RELB: variants seen among roughly 807,000 people sequenced by gnomAD.
RELB encodes transcription factor RelB.
RELB carries 14 observed loss-of-function variants against 55.4 expected under a neutral mutation model. The ratio of observed to expected loss-of-function variants is 0.25; its 90% confidence interval spans 0.17 to 0.40. The LOEUF is 0.40. Ranked by LOEUF, RELB falls within the 10% of genes least tolerant of loss-of-function variation. The pLI, the probability that RELB is intolerant of heterozygous loss-of-function variation, is 1.00. For missense variants in RELB, 669 were observed against 830.7 expected, an observed-to-expected ratio of 0.81 and a Z score of 2.39; for synonymous variants, 409 against 371.3, an observed-to-expected ratio of 1.10 and a Z score of -1.17.
chr19:45,011,870 G>A, intron 3 of RELB, 66 bp from the exon 4 acceptor site: 1 of 910,058 alleles, frequency 1.1e-6, no homozygotes. Flanking sequence ...GGGTAATCAA[G>A]CCTTTTTTTT....
intron 8 of RELB, among the ~76,000 whole-genome samples, chr19:45,029,224 C>G (rs1483029043): frequency 6.6e-6 from 1 of 152,126 alleles, no homozygotes; most frequent in African/African-American, 2.4e-5. Flanking sequence ...CTGTGGTGAC[C>G]CATGCTGCAA....
At chr19:45,020,888 C>G (rs1971477396) in intron 4 of RELB, among the ~76,000 whole-genome samples, 1 of 152,108 alleles carries the variant, frequency 6.6e-6, no homozygotes, top group Non-Finnish European at 1.5e-5. Flanking sequence ...TTCCATGACA[C>G]TGAAATTTTC....
chr19:45,026,449 G>A (rs4803792), intron 7 of RELB, among the ~76,000 whole-genome samples: 59,575 of 151,100 alleles, frequency 0.39, 12,060 homozygotes, highest in South Asian at 0.58. Flanking sequence ...GGTGGCACAC[G>A]TCTGTAATCC....
chr19:45,028,777 C>A, intron 7 of RELB, 111 bp from the exon 8 acceptor site: 2 of 768,010 alleles, frequency 2.6e-6, no homozygotes, highest in East Asian at 5.4e-5. Context: ...TTTTCAATTC[C>A]CTACGTCTCC....
chr19:45,002,852 A>C, intron 1 of RELB, 97 bp from the exon 2 acceptor site: 1 of 990,332 alleles, frequency 1.0e-6, no homozygotes, highest in Non-Finnish European at 1.5e-6. Flanking sequence ...TCCAGAGGGG[A>C]AGGGCTAGAA....
intron 4 of RELB, among the ~76,000 whole-genome samples, chr19:45,014,238 C>G (rs564597096): frequency 6.7e-6 from 1 of 148,436 alleles, no homozygotes; most frequent in Non-Finnish European, 1.5e-5. Flanking sequence ...GGCACAAGCA[C>G]GGCTCACTGC....
At chr19:45,010,970 C>G (rs868733427) in intron 3 of RELB, among the ~76,000 whole-genome samples, 14 of 152,268 alleles carry the variant, frequency 9.2e-5, no homozygotes, top group African/African-American at 3.4e-4. Flanking sequence ...ATTCTCCTGC[C>G]TCTGCCTCCC....
In RELB at chr19:45,032,581, G is replaced by A. The variant is rs1189469712; in HGVS notation, c.1039G>A (p.Asp347Asn). The change falls in exon 9 of 12, where the codon GAC (aspartate) becomes AAC (asparagine). Residue 347 changes from aspartate to asparagine, a missense_variant. Coordinates refer to ENST00000221452, the MANE Select transcript of RELB (RefSeq NM_006509.4). Reference protein sequence around the residue: ...FSRASWEGRADFSQADVHRQI... With the variant: ...FSRASWEGRANFSQADVHRQI... ...CAGGGCCTCCTGGGAAGGTCGGGCT[G>A]ACTTCTCCCAGGCCGACGTGCACCG... The A allele has an allele frequency of 6.2e-7, 1 of 1,613,586 alleles. No individual in the cohort carries two copies. Among genetic ancestry groups the A allele is most frequent in the Non-Finnish European group, 8.5e-7 (1 of 1,179,762 alleles).
At chr19:45,033,067 C>T (rs1971644598) in intron 9 of RELB, among the ~76,000 whole-genome samples, 2 of 152,164 alleles carry the variant, frequency 1.3e-5, no homozygotes, top group African/African-American at 4.8e-5. Flanking sequence ...ACCAGCACGG[C>T]CCCTAGCTGT....
In RELB at chr19:45,011,797, TGAGAGAGAGAGAGAGAGAGAGAGA is replaced by T. The variant is rs58500013; in HGVS notation, c.164-124_164-101del. 23 of 69,910 alleles carry T rather than the reference TGAGAGAGAGAGAGAGAGAGAGAGA, an allele frequency of 3.3e-4. 1 individual carries two copies. Among genetic ancestry groups the T allele is most frequent in the African/African-American group, 1.8e-3 (21 of 11,422 alleles). 4.3% of individuals were successfully genotyped at this position (69,910 alleles called of 1,614,324 possible). A position where few individuals can be genotyped will look rare whatever the true frequency, so the allele number is the denominator to read the frequency against. On this transcript the variant is annotated intron_variant, in intron 3 of 11. Transcript: ENST00000221452. Reference sequence around the variant, plus strand: ...GTGTGTGTGTGTGTGTGTGTGTGTGTGAGAGAGAGAGAGAGAGAGAGAGAGAGAGAGAGAGAGATAAATGGGATG... The same window carrying T: ...GTGTGTGTGTGTGTGTGTGTGTGTGTGAGAGAGAGAGAGATAAATGGGATG...
chr19:45,008,342 T>C (rs1359212273), intron 2 of RELB: 2 of 447,336 alleles, frequency 4.5e-6, no homozygotes, highest in Non-Finnish European at 9.0e-6. Context: ...GAGCCAGGAT[T>C]TGAACAGAGG....
At chr19:45,007,606 C>T (rs1712073187) in intron 2 of RELB, among the ~76,000 whole-genome samples, 1 of 152,142 alleles carries the variant, frequency 6.6e-6, no homozygotes, top group Non-Finnish European at 1.5e-5. Flanking sequence ...ACCTGTAATC[C>T]CAGCACTTTG....
chr19:45,032,492 C>A (rs1192269153), intron 8 of RELB, 42 bp from the exon 9 acceptor site: 1 of 1,514,816 alleles, frequency 6.6e-7, no homozygotes, highest in South Asian at 1.2e-5. Context: ...GCACAGTGGT[C>A]CAGATGTCCT....
intron 11 of RELB, among the ~76,000 whole-genome samples, chr19:45,036,014 C>A (rs1369330104): frequency 6.6e-6 from 1 of 152,212 alleles, no homozygotes; most frequent in Non-Finnish European, 1.5e-5. Flanking sequence ...TCACATCAGG[C>A]TGCAAGGAAG....
chr19:45,031,798 G>C (rs894361009), intron 8 of RELB, among the ~76,000 whole-genome samples: 1 of 150,892 alleles, frequency 6.6e-6, no homozygotes, highest in Non-Finnish European at 1.5e-5. Context: ...GGGTAGTCTC[G>C]ATCTCCTGAC....
At chr19:45,003,067 T>C (rs979173628) in intron 2 of RELB, 71 bp downstream of exon 2, 12 of 1,466,844 alleles carry the variant, frequency 8.2e-6, no homozygotes, top group African/African-American at 1.4e-5. Context: ...CACAGAGATG[T>C]CTCTGTTTGG....
At position 45,023,388 on chromosome 19, in the gene RELB, T is replaced by TTTTC. The variant is rs1278420149; in HGVS notation, c.662+1183_662+1186dup. Among the ~76,000 whole-genome samples the TTTTC allele has an allele frequency of 7.8e-4, 90 of 115,776 alleles. 1 individual carries two copies. The highest frequency in any genetic ancestry group is 2.2e-3 in the African/African-American group (75 of 34,108). The allele number at this position is 115,776 out of a possible 152,430, so 76.0% of individuals were successfully genotyped here. On this transcript the variant is annotated intron_variant, in intron 5 of 11. Coordinates refer to ENST00000221452, the MANE Select transcript of RELB (RefSeq NM_006509.4). ...ATCTTCATTGGTGTTTAATTTGCAG[T>TTTTC]TTTCTTTCCTTCCTTCCTTCCTTCC... is the stretch of plus-strand genomic sequence containing the variant.
chr19:45,032,498 G>A, intron 8 of RELB, 36 bp from the exon 9 acceptor site: 1 of 1,548,116 alleles, frequency 6.5e-7, no homozygotes, highest in East Asian at 2.3e-5. Flanking sequence ...TGGTCCAGAT[G>A]TCCTGGCTTA....
intron 1 of RELB, among the ~76,000 whole-genome samples, chr19:45,002,515 G>C (rs1971226312): frequency 6.6e-6 from 1 of 152,120 alleles, no homozygotes; most frequent in African/African-American, 2.4e-5. Context: ...ACCACACCCG[G>C]CTAATTTTTG....
Sources: allele counts gnomAD v4.1 joint callset (sites outside exome capture counted in the v4.1 genomes callset), GRCh38; gene constraint gnomAD v4.1.1; transcripts MANE v1.5; gene names NCBI Gene and HGNC (gene_info 2026-07-23, HGNC 2026-07-21).